The following MAF variants were observed in gnomAD, a reference collection of about 807,000 sequenced individuals.
MAF encodes MAF bZIP transcription factor, also known as transcription factor Maf.
In MAF, 10 loss-of-function variants were observed where a neutral mutation model predicts 22.0. That is an observed-to-expected ratio of 0.45 (90% CI 0.28 to 0.77). The LOEUF (loss-of-function observed/expected upper bound fraction) is 0.77, where lower values mean the gene tolerates loss of function less well. Ranked by LOEUF, MAF falls within the 30% of genes least tolerant of loss-of-function variation. The pLI, the probability that MAF is intolerant of heterozygous loss-of-function variation, is 0.12. For synonymous variants in MAF, 337 were observed against 255.8 expected (o/e 1.32, Z -3.03); for missense variants, 544 against 548.4 (o/e 0.99, Z 0.08).
chr16:79,571,286 G>C, the MAF span, among the ~76,000 whole-genome samples: 2 of 152,072 alleles, frequency 1.3e-5, no homozygotes, highest in Admixed American at 6.6e-5. Flanking sequence ...TCCACCCTCA[G>C]TGGCTTCCAA....
At chr16:79,261,908 A>G in the MAF span, among the ~76,000 whole-genome samples, 3 of 152,168 alleles carry the variant, frequency 2.0e-5, no homozygotes, top group Non-Finnish European at 4.4e-5. Context: ...TCCTCCTGAC[A>G]GTGGAGAGGG....
At chr16:79,214,654 C>T in the MAF span, among the ~76,000 whole-genome samples, 1 of 149,946 alleles carries the variant, frequency 6.7e-6, no homozygotes, top group Non-Finnish European at 1.5e-5. Flanking sequence ...ATCTGCCCTC[C>T]TCAGCCTCCC....
chr16:79,365,250 C>A, the MAF span, among the ~76,000 whole-genome samples: 5 of 152,180 alleles, frequency 3.3e-5, no homozygotes, highest in African/African-American at 4.8e-5. Context: ...TTTTTCCCCA[C>A]GATAGGTAGG....
the MAF span, among the ~76,000 whole-genome samples, chr16:79,465,911 G>T: frequency 6.6e-6 from 1 of 152,196 alleles, no homozygotes; most frequent in East Asian, 1.9e-4. Flanking sequence ...TTGTTATTAT[G>T]ATTATGATGG....
the MAF span, among the ~76,000 whole-genome samples, chr16:79,285,558 G>A: frequency 3.9e-5 from 6 of 152,144 alleles, no homozygotes; most frequent in Admixed American, 1.3e-4. Flanking sequence ...CTCTAGAACC[G>A]CTGACTCTGA....
the MAF span, among the ~76,000 whole-genome samples, chr16:79,563,655 T>C: frequency 6.6e-6 from 1 of 152,190 alleles, no homozygotes; most frequent in Admixed American, 6.5e-5. Flanking sequence ...AATGAGGCTG[T>C]TACAAAATTT....
the MAF span, among the ~76,000 whole-genome samples, chr16:79,337,116 G>A: frequency 1.8e-4 from 28 of 152,152 alleles, no homozygotes; most frequent in Admixed American, 5.9e-4. Flanking sequence ...AGGACTGGTC[G>A]CCGCACAGCA....
At chr16:79,344,341 G>A in the MAF span, among the ~76,000 whole-genome samples, 11 of 152,184 alleles carry the variant, frequency 7.2e-5, no homozygotes, top group African/African-American at 2.2e-4. Context: ...CTTCAAGATC[G>A]GGGCTTCCCA....
At chr16:79,247,281 G>C in the MAF span, among the ~76,000 whole-genome samples, 21 of 152,182 alleles carry the variant, frequency 1.4e-4, no homozygotes, top group Non-Finnish European at 2.4e-4. Flanking sequence ...AGAAGAAAAG[G>C]CATCTTGAAA....
At chr16:79,260,499 A>ATATCTG in the MAF span, among the ~76,000 whole-genome samples, 1 of 144,560 alleles carries the variant, frequency 6.9e-6, no homozygotes, top group Non-Finnish European at 1.5e-5. Context: ...ATCTATATCT[A>ATATCTG]TATCTATATA....
At chr16:79,569,333 G>A in the MAF span, among the ~76,000 whole-genome samples, 1 of 152,154 alleles carries the variant, frequency 6.6e-6, no homozygotes, top group Admixed American at 6.5e-5. Flanking sequence ...AAATGTCCCT[G>A]GAGGAGCAGC....
chr16:79,559,614 A>G, the MAF span, among the ~76,000 whole-genome samples: 1 of 151,858 alleles, frequency 6.6e-6, no homozygotes, highest in Non-Finnish European at 1.5e-5. Flanking sequence ...ATTTACTTCA[A>G]GAGTAAATTA....
chr16:79,326,515 G>A, the MAF span, among the ~76,000 whole-genome samples: 1 of 152,148 alleles, frequency 6.6e-6, no homozygotes, highest in African/African-American at 2.4e-5. Context: ...CAACAGACGT[G>A]AGCACGACAT....
At chr16:79,303,917 AAG>A in the MAF span, among the ~76,000 whole-genome samples, 14 of 152,338 alleles carry the variant, frequency 9.2e-5, 1 homozygote, top group African/African-American at 3.4e-4. Flanking sequence ...GGAGAAAAAA[AAG>A]AGAGAGGTTA....
At chr16:79,456,777 G>A in the MAF span, among the ~76,000 whole-genome samples, 1 of 152,218 alleles carries the variant, frequency 6.6e-6, no homozygotes, top group East Asian at 1.9e-4. Context: ...TCAGTGAAGT[G>A]GTCTATTCCT....
At chr16:79,400,540 C>G in the MAF span, among the ~76,000 whole-genome samples, 1 of 152,214 alleles carries the variant, frequency 6.6e-6, no homozygotes, top group African/African-American at 2.4e-5. Context: ...TGCTATGCAT[C>G]ACGTCATTTG....
chr16:79,286,010 A>C, the MAF span, among the ~76,000 whole-genome samples: 15 of 152,166 alleles, frequency 9.9e-5, no homozygotes, highest in African/African-American at 3.6e-4. Flanking sequence ...CCCTGGCCCT[A>C]CCTCCCACTG....
the MAF span, among the ~76,000 whole-genome samples, chr16:79,337,149 G>C: frequency 4.6e-5 from 7 of 152,218 alleles, no homozygotes; most frequent in Non-Finnish European, 1.0e-4. Context: ...GTTAAGACGA[G>C]TGAGTGGGTC....
chr16:79,210,630 A>G, the MAF span, among the ~76,000 whole-genome samples: 1 of 152,184 alleles, frequency 6.6e-6, no homozygotes, highest in Non-Finnish European at 1.5e-5. Flanking sequence ...ATAAATAATC[A>G]TAAGATGCCA....
Sources: gnomAD v4.1 joint callset for allele counts (sites outside exome capture counted in the v4.1 genomes callset) on GRCh38, gnomAD v4.1.1 for gene constraint, MANE v1.5 for transcripts, NCBI Gene and HGNC (gene_info 2026-07-23, HGNC 2026-07-21) for gene names.